The following KIZ variants were observed in gnomAD, a reference collection of about 807,000 sequenced individuals.
KIZ encodes the protein centrosomal protein kizuna.
KIZ carries 68 observed loss-of-function variants against 79.6 expected under a neutral mutation model. The ratio of observed to expected loss-of-function variants is 0.85; its 90% CI spans 0.70 to 1.05. The LOEUF is 1.05. KIZ is among the 50% of genes least tolerant of loss of function. The pLI, the probability that KIZ is intolerant of heterozygous loss-of-function variation, is 0.00. For synonymous variants in KIZ, 280 were observed against 281.8 expected, an observed-to-expected ratio of 0.99 and a Z score of 0.06; for missense variants, 797 against 800.4, an observed-to-expected ratio of 1.00 and a Z score of 0.05.
rs531960535 is a variant in KIZ at position 21,179,673 on chromosome 20, C to T, written c.1352+16514C>T. Among the ~76,000 whole-genome samples, 7 of 151,852 alleles carry T rather than the reference C, an allele frequency of 4.6e-5. No homozygotes were observed. In the East Asian group the frequency reaches 1.2e-3, roughly 25 times the overall value. On this transcript the variant is annotated intron_variant, in intron 6 of 12. Coordinates refer to ENST00000619189, the MANE Select transcript of KIZ (RefSeq NM_018474.6). The stretch of plus-strand genomic sequence containing the variant: ...TGTGAAGTTAGGTTGTTGATTTAAG[C>T]TTTTCTTCTTTTTAAATGTAAGTTT...
intron 9 of KIZ, among the ~76,000 whole-genome samples, 185 bp downstream of exon 9, chr20:21,215,833 A>C (rs933564577): frequency 6.6e-6 from 1 of 152,218 alleles, no homozygotes; most frequent in Non-Finnish European, 1.5e-5. Context: ...ACTAAGGTGG[A>C]AAATCACCGT....
At chr20:21,161,268 C>T (rs1356989623) in intron 4 of KIZ, among the ~76,000 whole-genome samples, 1 of 152,142 alleles carries the variant, frequency 6.6e-6, no homozygotes, top group East Asian at 1.9e-4. Context: ...TATTTTCTCC[C>T]ATTATGTGGG....
At chr20:21,188,870 TTG>T (rs959140741) in intron 6 of KIZ, among the ~76,000 whole-genome samples, 1 of 151,606 alleles carries the variant, frequency 6.6e-6, no homozygotes, top group African/African-American at 2.4e-5. Flanking sequence ...CAGCTAATTT[TTG>T]TGTGTGTGTG....
intron 6 of KIZ, chr20:21,194,457 T>C (rs2035252505): frequency 6.6e-6 from 1 of 152,236 alleles, no homozygotes; most frequent in Non-Finnish European, 1.5e-5. Flanking sequence ...CCATACAGCG[T>C]TTGAATTCTT....
chr20:21,128,200 A>G (rs2031607697), intron 1 of KIZ, among the ~76,000 whole-genome samples: 1 of 152,052 alleles, frequency 6.6e-6, no homozygotes, highest in African/African-American at 2.4e-5. Context: ...TTTAGTGGAG[A>G]TGGGGTTTCA....
intron 7 of KIZ, among the ~76,000 whole-genome samples, chr20:21,211,160 T>C (rs2036052413): frequency 6.6e-6 from 1 of 152,208 alleles, no homozygotes; most frequent in Admixed American, 6.5e-5. Context: ...TAGATGATTC[T>C]TGGGGTTCTA....
At chr20:21,165,251 G>A (rs899006273) in intron 6 of KIZ, among the ~76,000 whole-genome samples, 1 of 152,190 alleles carries the variant, frequency 6.6e-6, no homozygotes, top group African/African-American at 2.4e-5. Context: ...TGTAAAATCT[G>A]CGCAACATCC....
chr20:21,221,554 G>C (rs922450423), intron 9 of KIZ, among the ~76,000 whole-genome samples: 2 of 152,132 alleles, frequency 1.3e-5, no homozygotes, highest in Non-Finnish European at 2.9e-5. Flanking sequence ...TCATTCTTTT[G>C]ACACCAATTC....
chr20:21,243,426 C>T (rs1020372515), intron 11 of KIZ, among the ~76,000 whole-genome samples: 5 of 152,098 alleles, frequency 3.3e-5, no homozygotes, highest in African/African-American at 9.7e-5. Flanking sequence ...AAGAACAAGG[C>T]CCTGGCTGTG....
chr20:21,137,607 C>T (rs1400676115), intron 3 of KIZ, among the ~76,000 whole-genome samples: 1 of 150,848 alleles, frequency 6.6e-6, no homozygotes, highest in Non-Finnish European at 1.5e-5. Context: ...TTGTAAATAT[C>T]TTGTTATATT....
chr20:21,238,221 T>TG (rs1569005409), intron 11 of KIZ, among the ~76,000 whole-genome samples: 1 of 151,802 alleles, frequency 6.6e-6, no homozygotes, highest in African/African-American at 2.4e-5. Flanking sequence ...CTAGTTTGTT[T>TG]TTTTTTTTTT....
chr20:21,185,796 C>T (rs1331056749), intron 6 of KIZ, among the ~76,000 whole-genome samples: 1 of 151,642 alleles, frequency 6.6e-6, no homozygotes, highest in Non-Finnish European at 1.5e-5. Flanking sequence ...ACCACAGCCT[C>T]AACCTCCCAG....
intron 4 of KIZ, among the ~76,000 whole-genome samples, chr20:21,149,293 T>C (rs567448120): frequency 1.3e-5 from 2 of 152,302 alleles, no homozygotes; most frequent in Non-Finnish European, 2.9e-5. Context: ...TAAAAACAAC[T>C]TTAAATACTG....
chr20:21,145,713 T>G, intron 4 of KIZ, 59 bp downstream of exon 4: 1 of 641,820 alleles, frequency 1.6e-6, no homozygotes, highest in Non-Finnish European at 2.6e-6. Flanking sequence ...TGTTTATATC[T>G]TGAGATATTG....
rs200031712 is a variant in KIZ, at chr20:21,206,987, A to G, written c.1446+1403A>G. Among the ~76,000 whole-genome samples, 3 of 152,362 alleles carry G rather than the reference A, an allele frequency of 2.0e-5. No individual in the cohort carries two copies. The East Asian group carries it at 5.8e-4, about 29-fold the overall frequency. ...TTCCCTAGAAAAGCCACATTCAGGG[A>G]AACAGCCTTTCTTCTCCTAGGTTGA... On this transcript the variant is annotated intron_variant, in intron 7 of 12. Coordinates refer to ENST00000619189, the MANE Select transcript of KIZ (RefSeq NM_018474.6).
chr20:21,239,420 G>T (rs2037141900), intron 11 of KIZ, among the ~76,000 whole-genome samples: 1 of 152,192 alleles, frequency 6.6e-6, no homozygotes, highest in Non-Finnish European at 1.5e-5. Flanking sequence ...TTGCTCTACT[G>T]CTGGCTCGCT....
intron 3 of KIZ, among the ~76,000 whole-genome samples, chr20:21,142,099 T>A (rs1031250577): frequency 1.3e-5 from 2 of 151,670 alleles, no homozygotes; most frequent in Non-Finnish European, 2.9e-5. Flanking sequence ...ACACACACTC[T>A]CTCTCACACA....
intron 3 of KIZ, among the ~76,000 whole-genome samples, chr20:21,142,491 G>A (rs1454029238): frequency 6.6e-6 from 1 of 151,886 alleles, no homozygotes; most frequent in African/African-American, 2.4e-5. Context: ...GAACTAATGT[G>A]GTATTGATGA....
chr20:21,146,219 A>G (rs958693617), intron 4 of KIZ, among the ~76,000 whole-genome samples: 11 of 152,248 alleles, frequency 7.2e-5, no homozygotes, highest in Non-Finnish European at 2.9e-5. Context: ...TAAAAGCAGT[A>G]AAGCTCTTTT....
Sources: gnomAD v4.1 joint callset for allele counts (sites outside exome capture counted in the v4.1 genomes callset) on GRCh38, gnomAD v4.1.1 for gene constraint, MANE v1.5 for transcripts, NCBI Gene and HGNC (gene_info 2026-07-23, HGNC 2026-07-21) for gene names.